The following MDGA2 variants were observed in gnomAD, a reference collection of about 807,000 sequenced individuals.
MDGA2 encodes the protein MAM domain-containing glycosylphosphatidylinositol anchor protein 2.
A neutral mutation model predicts 117.8 loss-of-function variants in MDGA2; 40 were observed. That is an observed-to-expected ratio of 0.34 (90% confidence interval 0.26 to 0.44). The LOEUF (loss-of-function observed/expected upper bound fraction) is 0.44, where lower values mean the gene tolerates loss of function less well. Ranked by LOEUF, MDGA2 falls within the 20% of genes least tolerant of loss-of-function variation. The pLI is 1.00. For missense variants in MDGA2, 1,123 were observed against 1,250.6 expected (o/e 0.90, Z 1.54); for synonymous variants, 452 against 439.0 (o/e 1.03, Z -0.37).
intron 3 of MDGA2, among the ~76,000 whole-genome samples, chr14:47,213,843 T>G (rs1364833161): frequency 1.3e-5 from 2 of 152,114 alleles, no homozygotes; most frequent in Non-Finnish European, 2.9e-5. Context: ...TTTAATTGAC[T>G]CACAGTTCAG....
chr14:47,486,082 C>T (rs1403919041), intron 1 of MDGA2, among the ~76,000 whole-genome samples: 1 of 152,166 alleles, frequency 6.6e-6, no homozygotes, highest in African/African-American at 2.4e-5. Context: ...CAGCCTGCAT[C>T]ATGCGCCTGG....
At chr14:47,099,790 A>G (rs932984636) in intron 5 of MDGA2, among the ~76,000 whole-genome samples, 1 of 152,038 alleles carries the variant, frequency 6.6e-6, no homozygotes, top group Non-Finnish European at 1.5e-5. Flanking sequence ...ATGGGGGAAA[A>G]TACTTGTAAC....
intron 1 of MDGA2, among the ~76,000 whole-genome samples, chr14:47,384,014 T>TAGATAGATAGATA (rs1303344870): frequency 3.4e-5 from 4 of 117,928 alleles, no homozygotes; most frequent in Admixed American, 9.7e-5. Context: ...GATAGATAGA[T>TAGATAGATAGATA]AATAGATAGA....
At chr14:47,622,480 A>G (rs1046123711) in intron 1 of MDGA2, among the ~76,000 whole-genome samples, 2 of 152,224 alleles carry the variant, frequency 1.3e-5, no homozygotes. Context: ...TTGTAACCTC[A>G]AGAATAAATG....
intron 8 of MDGA2, among the ~76,000 whole-genome samples, chr14:47,005,922 C>G (rs1157113164): frequency 6.6e-6 from 1 of 151,460 alleles, no homozygotes; most frequent in African/African-American, 2.4e-5. Context: ...AAATTAACAA[C>G]TGTATTATAA....
At chr14:46,996,318 AG>A (rs1027029373) in intron 8 of MDGA2, 3 of 152,232 alleles carry the variant, frequency 2.0e-5, no homozygotes, top group African/African-American at 7.2e-5. Context: ...CAGGAGCAAC[AG>A]GGTTCTGAGG....
At chr14:47,565,907 T>C (rs1895909334) in intron 1 of MDGA2, among the ~76,000 whole-genome samples, 1 of 151,986 alleles carries the variant, frequency 6.6e-6, no homozygotes, top group Admixed American at 6.6e-5. Context: ...CTTGTGTTCA[T>C]TCACTCTGGC....
intron 6 of MDGA2, among the ~76,000 whole-genome samples, chr14:47,072,955 T>C (rs1431002239): frequency 6.6e-6 from 1 of 152,176 alleles, no homozygotes; most frequent in Admixed American, 6.5e-5. Context: ...CTCCCATAAG[T>C]ATCAATAACA....
chr14:46,866,560 G>A (rs1881770020), intron 14 of MDGA2, among the ~76,000 whole-genome samples: 1 of 151,962 alleles, frequency 6.6e-6, no homozygotes. Context: ...TTAAACTAAA[G>A]AGCTTCTGCA....
chr14:47,586,608 T>C (rs1458189740), intron 1 of MDGA2, among the ~76,000 whole-genome samples: 1 of 151,840 alleles, frequency 6.6e-6, no homozygotes, highest in Non-Finnish European at 1.5e-5. Flanking sequence ...TTCCAAAGAA[T>C]AGAAAATCAG....
intron 9 of MDGA2, among the ~76,000 whole-genome samples, chr14:46,939,796 A>G (rs941917678): frequency 1.3e-5 from 2 of 152,188 alleles, no homozygotes; most frequent in African/African-American, 2.4e-5. Flanking sequence ...CACTTTCCCT[A>G]TAGTAAGCAA....
chr14:46,854,184 A>G (rs929383173), intron 15 of MDGA2, among the ~76,000 whole-genome samples: 10 of 151,768 alleles, frequency 6.6e-5, no homozygotes, highest in Non-Finnish European at 3.0e-5. Context: ...TATGCCATGA[A>G]ATGCATAAAA....
rs574624190 is a variant in MDGA2 at position 46,974,866 on chromosome 14, C to T, written c.1820-17223G>A. ...ATGACAACAGAAAACAAATGGAATT[C>T]GTATTTTTTTTCAAGTTGTGCATTA... On this transcript the variant is annotated intron_variant, in intron 8 of 16. Coordinates refer to ENST00000399232, the MANE Select transcript of MDGA2 (RefSeq NM_001113498.3). Among the ~76,000 whole-genome samples, 7 of 151,468 alleles carry T rather than the reference C, an allele frequency of 4.6e-5. No individual in the cohort carries two copies. In the South Asian group the frequency reaches 6.3e-4, roughly 14 times the overall value.
chr14:47,089,144 G>A (rs577647657), intron 6 of MDGA2, among the ~76,000 whole-genome samples: 4 of 152,086 alleles, frequency 2.6e-5, no homozygotes, highest in Non-Finnish European at 5.9e-5. Flanking sequence ...AGAATCCCTA[G>A]TACATCTTTG....
intron 2 of MDGA2, among the ~76,000 whole-genome samples, chr14:47,276,272 A>G (rs1888308945): frequency 6.6e-6 from 1 of 152,196 alleles, no homozygotes; most frequent in African/African-American, 2.4e-5. Context: ...CCTTAGATGA[A>G]TGAGGAAACT....
intron 1 of MDGA2, among the ~76,000 whole-genome samples, chr14:47,377,547 G>A (rs780850330): frequency 2.0e-5 from 3 of 152,042 alleles, no homozygotes; most frequent in Non-Finnish European, 4.4e-5. Context: ...CTTAGCAAAC[G>A]GCACACCAGG....
chr14:46,847,989 T>C (rs539880866), intron 15 of MDGA2, among the ~76,000 whole-genome samples: 4 of 152,102 alleles, frequency 2.6e-5, no homozygotes, highest in South Asian at 2.1e-4. Context: ...AGTAAATCAA[T>C]AGTTAATATT....
chr14:47,655,651 G>A (rs532919855), intron 1 of MDGA2, among the ~76,000 whole-genome samples: 1 of 152,002 alleles, frequency 6.6e-6, no homozygotes, highest in Non-Finnish European at 1.5e-5. Flanking sequence ...AAAATAAAAA[G>A]CAATCTTCCA....
At chr14:47,120,330 G>A (rs1881584376) in intron 5 of MDGA2, among the ~76,000 whole-genome samples, 1 of 152,154 alleles carries the variant, frequency 6.6e-6, no homozygotes, top group African/African-American at 2.4e-5. Context: ...GACACAGGGT[G>A]CCTATCAAAA....
Sources: allele counts gnomAD v4.1 joint callset (sites outside exome capture counted in the v4.1 genomes callset), GRCh38; gene constraint gnomAD v4.1.1; transcripts MANE v1.5; gene names NCBI Gene and HGNC (gene_info 2026-07-23, HGNC 2026-07-21).